Variants in B3GALT1 observed in about 807,000 individuals in gnomAD.
B3GALT1 encodes the protein beta-1,3-galactosyltransferase 1, also known as UDP-Gal:betaGlcNAc beta 1,3-galactosyltransferase, polypeptide 1.
In B3GALT1, 10 loss-of-function variants were observed where a neutral mutation model predicts 23.2. That is an observed-to-expected ratio of 0.43 (90% CI 0.27 to 0.73). B3GALT1 has a LOEUF of 0.73. Among genes scored for constraint, B3GALT1 ranks in the 30% least tolerant of loss-of-function variants. The pLI is 0.21. For missense variants in B3GALT1, 299 were observed against 405.4 expected (o/e 0.74, Z 2.25); for synonymous variants, 156 against 141.5 (o/e 1.10, Z -0.73).
At chr2:167,734,088 G>A (rs1439337848) in intron 3 of B3GALT1, among the ~76,000 whole-genome samples, 2 of 152,156 alleles carry the variant, frequency 1.3e-5, no homozygotes, top group East Asian at 3.8e-4. Context: ...CTTTCCCTGT[G>A]CACAGGCAGG....
At chr2:167,666,026 G>T (rs2105477724) in intron 3 of B3GALT1, among the ~76,000 whole-genome samples, 2 of 152,208 alleles carry the variant, frequency 1.3e-5, no homozygotes, top group East Asian at 3.9e-4. Context: ...GTTTGCTCTT[G>T]CTTTTCCAAT....
chr2:167,574,692 G>C (rs1429482358), intron 2 of B3GALT1, among the ~76,000 whole-genome samples: 1 of 151,618 alleles, frequency 6.6e-6, no homozygotes, highest in Non-Finnish European at 1.5e-5. Flanking sequence ...AATGAATTAA[G>C]AATCTTTATC....
At chr2:167,659,024 A>T (rs1432324092) in intron 3 of B3GALT1, among the ~76,000 whole-genome samples, 2 of 152,106 alleles carry the variant, frequency 1.3e-5, no homozygotes, top group East Asian at 3.8e-4. Flanking sequence ...ATCACTTGCC[A>T]CTTTTCTTAT....
chr2:167,306,929 A>C (rs1014488224), intron 1 of B3GALT1, among the ~76,000 whole-genome samples: 6 of 152,034 alleles, frequency 3.9e-5, no homozygotes, highest in Non-Finnish European at 8.8e-5. Flanking sequence ...TGTCTCTTAT[A>C]ATTGGTATTC....
intron 2 of B3GALT1, among the ~76,000 whole-genome samples, chr2:167,609,530 A>G (rs1385005968): frequency 6.6e-6 from 1 of 152,068 alleles, no homozygotes; most frequent in African/African-American, 2.4e-5. Context: ...TCCTGAGGCT[A>G]GTTCCCCTGT....
chr2:167,760,281 A>G (rs1393791128), intron 3 of B3GALT1, among the ~76,000 whole-genome samples: 1 of 152,246 alleles, frequency 6.6e-6, no homozygotes, highest in African/African-American at 2.4e-5. Context: ...AATTTTCATA[A>G]TAAATGAGAA....
At chr2:167,578,012 A>G (rs1015192780) in intron 2 of B3GALT1, among the ~76,000 whole-genome samples, 2 of 151,730 alleles carry the variant, frequency 1.3e-5, no homozygotes, top group African/African-American at 4.8e-5. Context: ...GCAATCAAAA[A>G]TTTTTTTTAC....
intron 2 of B3GALT1, among the ~76,000 whole-genome samples, chr2:167,594,460 G>A (rs1684742273): frequency 6.6e-6 from 1 of 152,162 alleles, no homozygotes; most frequent in South Asian, 2.1e-4. Context: ...GTAAAATAAT[G>A]CATATGGTCC....
chr2:167,461,557 C>A (rs886792891), intron 1 of B3GALT1, among the ~76,000 whole-genome samples: 1 of 151,984 alleles, frequency 6.6e-6, no homozygotes, highest in Non-Finnish European at 1.5e-5. Context: ...CCTCATACTA[C>A]ATGGCAAATA....
intron 3 of B3GALT1, among the ~76,000 whole-genome samples, chr2:167,658,803 G>C (rs1209066170): frequency 6.6e-6 from 1 of 152,044 alleles, no homozygotes; most frequent in Non-Finnish European, 1.5e-5. Flanking sequence ...TGACATATAG[G>C]AGTGACATAT....
chr2:167,723,058 A>C (rs887548588), intron 3 of B3GALT1, among the ~76,000 whole-genome samples: 1 of 152,230 alleles, frequency 6.6e-6, no homozygotes, highest in African/African-American at 2.4e-5. Context: ...GTAAAATACC[A>C]CTTAATATCA....
intron 3 of B3GALT1, among the ~76,000 whole-genome samples, chr2:167,787,986 T>G (rs1251982232): frequency 6.6e-6 from 1 of 152,184 alleles, no homozygotes; most frequent in Non-Finnish European, 1.5e-5. Flanking sequence ...CCCATTCAGG[T>G]TGGACCTTGC....
chr2:167,789,520 G>A (rs1688398795), intron 3 of B3GALT1, among the ~76,000 whole-genome samples: 1 of 152,036 alleles, frequency 6.6e-6, no homozygotes, highest in African/African-American at 2.4e-5. Flanking sequence ...TCTAGAGAAC[G>A]GTGGATTCCA....
At chr2:167,818,276 G>T (rs1574279297) in intron 3 of B3GALT1, among the ~76,000 whole-genome samples, 1 of 152,090 alleles carries the variant, frequency 6.6e-6, no homozygotes, top group East Asian at 1.9e-4. Context: ...ACATCATTGG[G>T]CCTGTTTATC....
rs951979668 is a variant in B3GALT1 at position 167,873,214 on chromosome 2, A to G, written c.*3194A>G. ...CTGGATAATAACAGTATCAGTGTCT[A>G]TGTTCTTAAAGTTCCTTTTTTTAAT... On this transcript the variant is annotated 3_prime_UTR_variant, in exon 5 of 5. Transcript: ENST00000392690. 2 of 152,020 alleles carry G rather than the reference A, an allele frequency of 1.3e-5. No individual in the cohort carries two copies. Among genetic ancestry groups the G allele is most frequent in the African/African-American group, 4.8e-5 (2 of 41,388 alleles). 9.4% of individuals were successfully genotyped at this position (152,020 alleles called of 1,614,324 possible). A position where few individuals can be genotyped will look rare whatever the true frequency, so the allele number is the denominator to read the frequency against.
chr2:167,757,776 G>T (rs1486159766), intron 3 of B3GALT1, among the ~76,000 whole-genome samples: 2 of 152,118 alleles, frequency 1.3e-5, no homozygotes, highest in African/African-American at 4.8e-5. Context: ...TGTCCAGCAT[G>T]AGGACATCTG....
intron 2 of B3GALT1, among the ~76,000 whole-genome samples, chr2:167,593,647 T>G (rs1473600785): frequency 6.6e-6 from 1 of 152,172 alleles, no homozygotes. Context: ...TGAGATAATA[T>G]GGTAGAAAAG....
intron 3 of B3GALT1, among the ~76,000 whole-genome samples, chr2:167,779,974 A>G (rs916110784): frequency 6.6e-6 from 1 of 152,238 alleles, no homozygotes; most frequent in Non-Finnish European, 1.5e-5. Flanking sequence ...CAAAATGTCA[A>G]TGTGAATGTT....
In B3GALT1 at chr2:167,774,474, T is replaced by TTTTTTTGTTTG; in HGVS notation, c.-351-44192_-351-44191insGTTTGTTTTTT. ...CTGTAGTTTTTCTGTGTTTATTGGT[T>TTTTTTTGTTTG]TTTTTTTTTTGTTTTTTTTTTTGTT... On this transcript the variant is annotated intron_variant, in intron 3 of 4. Coordinates refer to ENST00000392690, the MANE Select transcript of B3GALT1 (RefSeq NM_020981.4). Among the ~76,000 whole-genome samples, 19 of 123,146 alleles carry TTTTTTTGTTTG rather than the reference T, an allele frequency of 1.5e-4. 1 individual carries two copies. Among genetic ancestry groups the TTTTTTTGTTTG allele is most frequent in the Non-Finnish European group, 1.8e-4 (11 of 62,096 alleles). 80.8% of individuals were successfully genotyped at this position (123,146 alleles called of 152,430 possible).
Sources: allele counts gnomAD v4.1 joint callset (sites outside exome capture counted in the v4.1 genomes callset), GRCh38; gene constraint gnomAD v4.1.1; transcripts MANE v1.5; gene names NCBI Gene and HGNC (gene_info 2026-07-23, HGNC 2026-07-21).